Variants in LRMDA observed in about 807,000 individuals in gnomAD.
LRMDA encodes leucine rich melanocyte differentiation associated, also known as leucine-rich melanocyte differentiation-associated protein.
Under a neutral mutation model 29.8 loss-of-function variants are expected in LRMDA, and 18 were observed. The ratio of observed to expected loss-of-function variants is 0.60; its 90% CI spans 0.42 to 0.90. The LOEUF is 0.90. Among genes scored for constraint, LRMDA ranks in the 40% least tolerant of loss-of-function variants. The pLI is 0.00. For synonymous variants in LRMDA, 125 were observed against 109.4 expected (o/e 1.14, Z -0.89); for missense variants, 273 against 273.9 (o/e 1.00, Z 0.02).
chr10:75,692,212 A>G (rs1226046326), intron 2 of LRMDA, among the ~76,000 whole-genome samples: 6 of 36,444 alleles, frequency 1.6e-4, no homozygotes, highest in Non-Finnish European at 2.2e-4. Context: ...TGGGGGGAAA[A>G]AAAAAAAATA....
intron 5 of LRMDA, among the ~76,000 whole-genome samples, chr10:76,299,127 G>C (rs532791906): frequency 6.6e-6 from 1 of 151,352 alleles, no homozygotes. Context: ...CTGCATATAC[G>C]TCAGGAACAT....
In LRMDA at chr10:76,324,403, T is replaced by G. The variant is rs1206547857; in HGVS notation, c.519T>G (p.Ala173=). 6.2e-7 allele frequency: 1 copy of G among 1,614,150 alleles called. No homozygotes were observed. Residue 173 remains alanine, a splice_region_variant and synonymous_variant, in exon 6 of 7, where the codon GCT becomes GCG. Transcript: ENST00000611255. The part of the protein sequence containing the change: ...GVFMKVVKPK[A]SSEDVASSPE... ...TTGACTTTGCTTTTGTCACACAGGC[T>G]TCTAGTGAGGACGTTGCCAGCTCCC...
intron 5 of LRMDA, among the ~76,000 whole-genome samples, chr10:76,186,242 A>C (rs1464314927): frequency 6.6e-6 from 1 of 152,212 alleles, no homozygotes; most frequent in Non-Finnish European, 1.5e-5. Context: ...GGAAGGCAGA[A>C]ATTCTCTGTT....
intron 2 of LRMDA, among the ~76,000 whole-genome samples, chr10:75,659,889 C>A (rs1729671252): frequency 6.6e-6 from 1 of 152,180 alleles, no homozygotes; most frequent in African/African-American, 2.4e-5. Context: ...AAAACCAAGG[C>A]TTCCTCCTCC....
intron 5 of LRMDA, among the ~76,000 whole-genome samples, chr10:76,160,775 G>A (rs1223298337): frequency 6.6e-6 from 1 of 152,074 alleles, no homozygotes; most frequent in South Asian, 2.1e-4. Flanking sequence ...AGCAAGAAAG[G>A]GTACATAAGC....
At chr10:75,544,135 G>A (rs1213407208) in intron 2 of LRMDA, among the ~76,000 whole-genome samples, 1 of 152,146 alleles carries the variant, frequency 6.6e-6, no homozygotes, top group Non-Finnish European at 1.5e-5. Context: ...GTCCATGTGT[G>A]TGTCTTCACA....
In LRMDA at chr10:75,498,731, G is replaced by T. The variant is rs77990562; in HGVS notation, c.131+60237G>T. Among the ~76,000 whole-genome samples the T allele has an allele frequency of 3.0e-3, 460 of 152,258 alleles. 2 individuals carry two copies. The highest frequency in any genetic ancestry group is 5.1e-3 in the Non-Finnish European group (347 of 68,014). The stretch of plus-strand genomic sequence containing the variant: ...ACACCATAATAGCCTGCAAATATCT[G>T]AAGGGTATAAACACTGGAGAGGGAG... On this transcript the variant is annotated intron_variant, in intron 2 of 6. Coordinates refer to ENST00000611255, the MANE Select transcript of LRMDA (RefSeq NM_001305581.2).
intron 2 of LRMDA, among the ~76,000 whole-genome samples, chr10:75,834,609 T>C (rs1844402424): frequency 6.6e-6 from 1 of 152,210 alleles, no homozygotes; most frequent in African/African-American, 2.4e-5. Flanking sequence ...AACACTTTGC[T>C]TGGAAATTTC....
intron 2 of LRMDA, among the ~76,000 whole-genome samples, chr10:75,689,166 T>C (rs562228453): frequency 1.4e-4 from 21 of 152,334 alleles, no homozygotes; most frequent in Non-Finnish European, 2.9e-4. Flanking sequence ...TATTTTTCTC[T>C]TCAGAAGCTC....
chr10:76,038,669 T>G (rs1848292320), intron 3 of LRMDA, among the ~76,000 whole-genome samples: 1 of 152,200 alleles, frequency 6.6e-6, no homozygotes, highest in African/African-American at 2.4e-5. Flanking sequence ...CTGATGCCAC[T>G]TTTTCAGCTA....
intron 5 of LRMDA, among the ~76,000 whole-genome samples, chr10:76,123,631 T>G (rs1849828669): frequency 6.6e-6 from 1 of 152,242 alleles, no homozygotes; most frequent in Non-Finnish European, 1.5e-5. Context: ...CAGTGTGCTT[T>G]ATACATAAAA....
At chr10:76,356,911 G>T (rs1163711769) in intron 6 of LRMDA, among the ~76,000 whole-genome samples, 1 of 152,278 alleles carries the variant, frequency 6.6e-6, no homozygotes, top group East Asian at 1.9e-4. Flanking sequence ...TATAAACAAT[G>T]ACTTTGGAAT....
At chr10:75,712,039 C>A (rs1564546934) in intron 2 of LRMDA, among the ~76,000 whole-genome samples, 1 of 152,008 alleles carries the variant, frequency 6.6e-6, no homozygotes, top group Non-Finnish European at 1.5e-5. Flanking sequence ...CTTGCACAGG[C>A]CTGGTAGTCT....
At chr10:76,150,736 T>A (rs1052406216) in intron 5 of LRMDA, among the ~76,000 whole-genome samples, 2 of 152,176 alleles carry the variant, frequency 1.3e-5, no homozygotes, top group Admixed American at 6.5e-5. Context: ...CCTTTGCCTA[T>A]TTATACCGGT....
At chr10:75,651,263 C>G (rs1841596112) in intron 2 of LRMDA, among the ~76,000 whole-genome samples, 1 of 152,152 alleles carries the variant, frequency 6.6e-6, no homozygotes, top group East Asian at 1.9e-4. Flanking sequence ...GAGGTAAATC[C>G]ATGAGTCCCG....
At chr10:76,473,279 T>C (rs1333954967) in intron 6 of LRMDA, among the ~76,000 whole-genome samples, 1 of 151,066 alleles carries the variant, frequency 6.6e-6, no homozygotes, top group Non-Finnish European at 1.5e-5. Context: ...CTCCACACCA[T>C]TAAAAAAAAA....
intron 2 of LRMDA, among the ~76,000 whole-genome samples, chr10:75,776,052 T>G (rs944480899): frequency 1.4e-4 from 22 of 152,222 alleles, no homozygotes; most frequent in African/African-American, 5.3e-4. Context: ...TCTTTCCCTT[T>G]GCTGTTGATA....
intron 6 of LRMDA, among the ~76,000 whole-genome samples, chr10:76,366,687 A>G (rs774960799): frequency 5.3e-5 from 8 of 152,152 alleles, no homozygotes; most frequent in Non-Finnish European, 1.0e-4. Flanking sequence ...AAATGATTGT[A>G]TCGTCAGCAA....
At chr10:76,317,161 A>C (rs1168691871) in intron 5 of LRMDA, among the ~76,000 whole-genome samples, 2 of 152,124 alleles carry the variant, frequency 1.3e-5, no homozygotes, top group African/African-American at 4.8e-5. Flanking sequence ...TTTGGTTTCT[A>C]ATCACACTCT....
Sources: gnomAD v4.1 joint callset for allele counts (sites outside exome capture counted in the v4.1 genomes callset) on GRCh38, gnomAD v4.1.1 for gene constraint, MANE v1.5 for transcripts, NCBI Gene and HGNC (gene_info 2026-07-23, HGNC 2026-07-21) for gene names.